The following PRELID2 variants were observed in gnomAD, a reference collection of about 807,000 sequenced individuals.
PRELID2 encodes the protein PRELI domain-containing protein 2.
PRELID2 carries 25 observed loss-of-function variants against 28.4 expected under a neutral mutation model. That is an observed-to-expected ratio of 0.88 (90% CI 0.64 to 1.23). PRELID2 has a LOEUF of 1.23. PRELID2 is among the 50% of genes most tolerant of loss of function. The pLI is 0.00. For missense variants in PRELID2, 201 were observed against 214.4 expected (o/e 0.94, Z 0.39); for synonymous variants, 76 against 71.6 (o/e 1.06, Z -0.31).
chr5:145,707,670 G>T (rs1482327840), intron 1 of PRELID2, among the ~76,000 whole-genome samples: 1 of 152,086 alleles, frequency 6.6e-6, no homozygotes, highest in Non-Finnish European at 1.5e-5. Flanking sequence ...GAAATAAAAG[G>T]CTCTGAACGA....
At chr5:145,438,928 C>A in the PRELID2 span, among the ~76,000 whole-genome samples, 3 of 152,234 alleles carry the variant, frequency 2.0e-5, no homozygotes, top group East Asian at 5.8e-4. Flanking sequence ...TGAGACTTAC[C>A]ACCCATAATC....
Position 145,796,554 on chromosome 5 carries a change from A to C in PRELID2, c.369-7T>G, listed in dbSNP as rs566748381. On this transcript the variant is annotated splice_region_variant and splice_polypyrimidine_tract_variant and intron_variant, in intron 4 of 6. Coordinates refer to ENST00000683046, the MANE Select transcript of PRELID2 (RefSeq NM_205846.3). Reference sequence around the variant, plus strand: ...TCTTTGAATGAACTCTGTCCTGCAAAAAAAACAAAAAACACATCTTTGATG... The same window carrying C: ...TCTTTGAATGAACTCTGTCCTGCAACAAAAACAAAAAACACATCTTTGATG... The C allele has an allele frequency of 5.2e-6, 8 of 1,546,864 alleles. No individual in the cohort carries two copies. Among genetic ancestry groups the C allele is most frequent in the Non-Finnish European group, 7.1e-6 (8 of 1,131,890 alleles).
intron 1 of PRELID2, among the ~76,000 whole-genome samples, chr5:145,595,132 AAAG>A (rs144379324): frequency 2.8e-3 from 420 of 149,240 alleles, no homozygotes; most frequent in East Asian, 8.8e-3. Context: ...AAAAGAAAAA[AAAG>A]AAGAAGAAGA....
the PRELID2 span, among the ~76,000 whole-genome samples, chr5:145,418,806 G>A: frequency 6.6e-6 from 1 of 151,464 alleles, no homozygotes; most frequent in Non-Finnish European, 1.5e-5. Flanking sequence ...GTATACATGT[G>A]CCATGCTGGT....
At chr5:145,307,239 C>G in the PRELID2 span, among the ~76,000 whole-genome samples, 1 of 152,192 alleles carries the variant, frequency 6.6e-6, no homozygotes, top group African/African-American at 2.4e-5. Flanking sequence ...GTCATGGATA[C>G]TGGAGCCTCC....
chr5:145,344,079 C>A, the PRELID2 span, among the ~76,000 whole-genome samples: 4 of 151,888 alleles, frequency 2.6e-5, no homozygotes. Context: ...ACCAAACATA[C>A]AAAGAAGAAC....
At chr5:145,835,089 G>A in intron 1 of PRELID2, 88 bp downstream of exon 1, 1 of 890,208 alleles carries the variant, frequency 1.1e-6, no homozygotes, top group Non-Finnish European at 1.8e-6. Flanking sequence ...GACACTGGCG[G>A]TGCCAGCTTC....
the PRELID2 span, among the ~76,000 whole-genome samples, chr5:145,402,779 G>T: frequency 6.6e-6 from 1 of 152,168 alleles, no homozygotes; most frequent in Non-Finnish European, 1.5e-5. Context: ...TGATAGTGAG[G>T]ATCACAATGT....
At chr5:145,646,290 A>G (rs1252523040) in intron 1 of PRELID2, among the ~76,000 whole-genome samples, 1 of 152,010 alleles carries the variant, frequency 6.6e-6, no homozygotes, top group Non-Finnish European at 1.5e-5. Flanking sequence ...GTTGATCTTC[A>G]ATCTCTGATA....
intron 1 of PRELID2, among the ~76,000 whole-genome samples, chr5:145,520,982 C>A (rs1359797278): frequency 6.6e-6 from 1 of 152,048 alleles, no homozygotes; most frequent in African/African-American, 2.4e-5. Flanking sequence ...GCAAAAGAGT[C>A]CCCCTCCCCA....
the PRELID2 span, among the ~76,000 whole-genome samples, chr5:145,270,990 G>A: frequency 6.6e-6 from 1 of 152,078 alleles, no homozygotes; most frequent in Admixed American, 6.6e-5. Flanking sequence ...GGGAAGCAAG[G>A]ATCTTCTTCA....
At chr5:145,435,918 C>T in the PRELID2 span, among the ~76,000 whole-genome samples, 5 of 152,030 alleles carry the variant, frequency 3.3e-5, no homozygotes, top group Non-Finnish European at 5.9e-5. Context: ...TGAAAGATAC[C>T]TAACTTACAA....
chr5:145,782,841 G>A (rs1319868806), intron 5 of PRELID2, among the ~76,000 whole-genome samples: 1 of 152,204 alleles, frequency 6.6e-6, no homozygotes, highest in Non-Finnish European at 1.5e-5. Context: ...ATCTTGGTTA[G>A]ACACTGAAGG....
At position 145,702,479 on chromosome 5, in the gene PRELID2, C is replaced by T. The variant is rs1755432754; in HGVS notation, n.70+62452G>A. On this transcript the variant is annotated intron_variant and non_coding_transcript_variant, in intron 1 of 2. Transcript: ENST00000510259. Reference sequence around the variant, plus strand: ...CCTTGGGGAAATCAACAATTCCCTACTTCATGTGGTCCTTGCAAAATGCAT... The same window carrying T: ...CCTTGGGGAAATCAACAATTCCCTATTTCATGTGGTCCTTGCAAAATGCAT... Among the ~76,000 whole-genome samples, 3 of 152,134 alleles carry T rather than the reference C, an allele frequency of 2.0e-5. No individual in the cohort carries two copies. In the South Asian group the frequency reaches 6.2e-4, roughly 31 times the overall value.
intron 1 of PRELID2, among the ~76,000 whole-genome samples, chr5:145,622,767 A>T (rs1487708939): frequency 6.6e-6 from 1 of 152,042 alleles, no homozygotes; most frequent in African/African-American, 2.4e-5. Context: ...AAATAGAGAA[A>T]AATGGAATAA....
Position 145,831,194 on chromosome 5 carries a change from A to G in PRELID2, c.75+3983T>C, listed in dbSNP as rs536155128. On this transcript the variant is annotated intron_variant, in intron 1 of 6. Transcript: ENST00000683046. ...CATCCTCACAACAACCCTGGAAGGT[A>G]GGTGGGGTAGGTGGCATTACCATTT... 1.8e-3 allele frequency among the ~76,000 whole-genome samples: 268 copies of G among 152,354 alleles called. 1 individual carries two copies. Among genetic ancestry groups the G allele is most frequent in the Admixed American group, 3.8e-3 (58 of 15,310 alleles).
At chr5:145,740,207 T>G (rs1200802421) in intron 1 of PRELID2, among the ~76,000 whole-genome samples, 2 of 139,658 alleles carry the variant, frequency 1.4e-5, no homozygotes, top group African/African-American at 2.6e-5. Context: ...AAAGTAGATT[T>G]AGTGCAAAGA....
chr5:145,282,434 C>T, the PRELID2 span, among the ~76,000 whole-genome samples: 4 of 151,848 alleles, frequency 2.6e-5, no homozygotes, highest in African/African-American at 4.8e-5. Context: ...TAAATGGAAT[C>T]TTTTGTCTGA....
intron 1 of PRELID2, among the ~76,000 whole-genome samples, chr5:145,638,308 C>A (rs1431671716): frequency 1.3e-5 from 2 of 152,078 alleles, no homozygotes; most frequent in Non-Finnish European, 2.9e-5. Flanking sequence ...GGCACTTGTG[C>A]TTTATTTATG....
Sources: allele counts gnomAD v4.1 joint callset (sites outside exome capture counted in the v4.1 genomes callset), GRCh38; gene constraint gnomAD v4.1.1; transcripts MANE v1.5; gene names NCBI Gene and HGNC (gene_info 2026-07-23, HGNC 2026-07-21).